Variants in ARAP1 observed in about 807,000 individuals in gnomAD.
ARAP1 encodes arf-GAP with Rho-GAP domain, ANK repeat and PH domain-containing protein 1.
In ARAP1, 76 loss-of-function variants were observed where a neutral mutation model predicts 172.2. The observed-to-expected ratio is 0.44, with a 90% confidence interval of 0.37 to 0.53. The LOEUF (loss-of-function observed/expected upper bound fraction) is 0.53. ARAP1 is among the 20% of genes least tolerant of loss of function. The pLI is 0.00. For synonymous variants in ARAP1, 804 were observed against 803.3 expected, an observed-to-expected ratio of 1.00 and a Z score of -0.01; for missense variants, 1,686 against 1,977.5, an observed-to-expected ratio of 0.85 and a Z score of 2.80.
intron 2 of ARAP1, among the ~76,000 whole-genome samples, chr11:72,728,503 C>T (rs1857764969): frequency 6.6e-6 from 1 of 152,096 alleles, no homozygotes; most frequent in Admixed American, 6.6e-5. Flanking sequence ...ATTGCTTGAA[C>T]CCAGGAGGCA....
At position 72,698,211 on chromosome 11, in the gene ARAP1, CCTTCT is replaced by C. The variant is rs1054338011; in HGVS notation, c.2542-110_2542-106del. 120 of 1,340,288 alleles carry C rather than the reference CCTTCT, an allele frequency of 9.0e-5. 1 individual carries two copies. The African/African-American group carries it at 1.6e-3, about 18-fold the overall frequency. 83.0% of individuals were successfully genotyped at this position (1,340,288 alleles called of 1,614,324 possible). A position where few individuals can be genotyped will look rare whatever the true frequency, so the allele number is the denominator to read the frequency against. On this transcript the variant is annotated intron_variant, in intron 18 of 34. Coordinates refer to ENST00000393609, the MANE Select transcript of ARAP1 (RefSeq NM_001040118.3). ...CACATGCCCTCTTCCCACCCAGCTG[CCTTCT>C]CTTCTCTTCCCCAAGGCAGAACCAA...
At position 72,712,268 on chromosome 11, in the gene ARAP1, C is replaced by T. The variant is rs759111883; in HGVS notation, c.950G>A (p.Gly317Glu). 6.2e-7 allele frequency: 1 copy of T among 1,603,038 alleles called. No homozygotes were observed. Among genetic ancestry groups the T allele is most frequent in the South Asian group, 1.1e-5 (1 of 89,618 alleles). ...GACGGGGGTGGAGCCCCCAGGCGGC[C>T]CGTCCATGGGGTGTGGCGCAGCTAT... is the stretch of plus-strand genomic sequence containing the variant. ...STIAAPHPMD[G>E]PPGGSTPVTP... Residue 317 changes from glycine (G) to glutamate (E), a missense_variant, in exon 7 of 35, where the codon GGG becomes GAG. Transcript: ENST00000393609.
intron 14 of ARAP1, chr11:72,703,303 A>T (rs1036569705): frequency 2.2e-6 from 1 of 453,522 alleles, no homozygotes; most frequent in Non-Finnish European, 3.8e-6. Context: ...AGGCCAGGGG[A>T]TCCCAGCTGC....
In ARAP1 at chr11:72,707,246, G is replaced by C. The variant is rs149827038; in HGVS notation, c.1652C>G (p.Ala551Gly). ...GTCAGGCTGAGGAGCCCCGCAGTCA[G>C]CACAGAACCTGTTGGGGGCTGCAGC... ...IWAAAPNRFC[A>G]DCGAPQPDWA... is the part of the protein sequence containing the mutation. The change falls in exon 12 of 35, where the codon GCT (alanine) becomes GGT (glycine). Residue 551 changes from alanine to glycine, a missense_variant. This residue lies in a region of ARAP1 where 688 missense variants were observed against 856.9 expected (regional missense o/e 0.80). Transcript: ENST00000393609. The C allele has an allele frequency of 7.4e-6, 12 of 1,611,536 alleles. No homozygotes were observed. Among genetic ancestry groups the C allele is most frequent in the Non-Finnish European group, 1.0e-5 (12 of 1,178,950 alleles).
At position 72,702,931 on chromosome 11, in the gene ARAP1, T is replaced by A. The variant is rs1380821350; in HGVS notation, c.2141A>T (p.Glu714Val). The change falls in exon 15 of 35, where the codon GAA becomes GTA. Residue 714 changes from glutamate (E) to valine (V), a missense_variant. Physicochemically the swap from Glu to Val is moderately radical, Grantham distance 121. This residue lies in a region of ARAP1 where 688 missense variants were observed against 856.9 expected (regional missense o/e 0.80). Transcript: ENST00000393609. ...AEQAGQTLQM[E>V]FLRNNRTTEV... ...TGTGGTCCGGTTGTTCCGAAGGAAT[T>A]CCATCTGCAGCGTCTGCCCCGCCTG... 1 of 1,558,180 alleles carries A rather than the reference T, an allele frequency of 6.4e-7. No individual in the cohort carries two copies. Among genetic ancestry groups the A allele is most frequent in the East Asian group, 2.4e-5 (1 of 41,728 alleles).
chr11:72,734,375 C>A (rs1268909704), intron 1 of ARAP1, among the ~76,000 whole-genome samples: 1 of 152,164 alleles, frequency 6.6e-6, no homozygotes, highest in Non-Finnish European at 1.5e-5. Context: ...CCCACTTTGA[C>A]CTCCCAAAGT....
At chr11:72,712,725 AC>A in intron 5 of ARAP1, 157 bp from the exon 6 acceptor site, 1 of 1,241,588 alleles carries the variant, frequency 8.1e-7, no homozygotes. Flanking sequence ...GCCAGCGGAG[AC>A]CACACAGAGA....
At position 72,685,305 on chromosome 11, in the gene ARAP1, C is replaced by G. The variant is rs764449181; in HGVS notation, c.*359G>C. 4.0e-5 allele frequency: 13 copies of G among 322,688 alleles called. No individual in the cohort carries two copies. The highest frequency in any genetic ancestry group is 1.9e-4 in the Admixed American group (4 of 21,580). The allele number at this position is 322,688 out of a possible 1,614,324, so 20.0% of individuals were successfully genotyped here. On this transcript the variant is annotated 3_prime_UTR_variant, in exon 35 of 35. Coordinates refer to ENST00000393609, the MANE Select transcript of ARAP1 (RefSeq NM_001040118.3). ...GTTTGTTGGGAGGAGCAGGGGGCTCCCTTCCGGCAGGGCCCCAGGGCCTCA... is the reference window on the plus strand; with the variant it reads ...GTTTGTTGGGAGGAGCAGGGGGCTCGCTTCCGGCAGGGCCCCAGGGCCTCA...
Position 72,698,881 on chromosome 11 carries a change from G to A in ARAP1, c.2541+124C>T. On this transcript the variant is annotated intron_variant, in intron 18 of 34. Transcript: ENST00000393609. ...TCTTGGTGGGACAGGCCCGCTCCAT[G>A]TCTGCTGCCCTGCATCTAGCTTCTG... The A allele has an allele frequency of 4.9e-6, 5 of 1,028,374 alleles. No homozygotes were observed. In the South Asian group the frequency reaches 5.5e-5, roughly 11 times the overall value. The allele number at this position is 1,028,374 out of a possible 1,614,324, so 63.7% of individuals were successfully genotyped here.
rs778717282 is a variant in ARAP1, at chr11:72,707,192, A to G, written c.1706T>C (p.Ile569Thr). Reference sequence around the variant, plus strand: ...GCACACACCTGCACAGCGCTTGCAGATAACAACACAGAGGTTGATGGAGGC... The same window carrying G: ...GCACACACCTGCACAGCGCTTGCAGGTAACAACACAGAGGTTGATGGAGGC... ...DWASINLCVV[I>T]CKRCAGEHRG... The change falls in exon 12 of 35, where the codon ATC (isoleucine) becomes ACC (threonine). Residue 569 changes from isoleucine (I) to threonine (T), a missense_variant. Ile to Thr is a moderately conservative substitution (Grantham distance 89, BLOSUM62 -1). Coordinates refer to ENST00000393609, the MANE Select transcript of ARAP1 (RefSeq NM_001040118.3). 1.9e-6 allele frequency: 3 copies of G among 1,595,876 alleles called. No individual in the cohort carries two copies. The South Asian group carries it at 3.4e-5, about 18-fold the overall frequency.
At position 72,710,510 on chromosome 11, in the gene ARAP1, A is replaced by G. The variant is rs1856965731; in HGVS notation, c.1291T>C (p.Tyr431His). The G allele has an allele frequency of 1.2e-6, 2 of 1,613,940 alleles. No individual in the cohort carries two copies. The highest frequency in any genetic ancestry group is 8.5e-7 in the Non-Finnish European group (1 of 1,179,976). The change falls in exon 10 of 35, where the codon TAT (tyrosine) becomes CAT (histidine). Residue 431 changes from tyrosine to histidine, a missense_variant. Physicochemically the swap from Tyr to His is moderately conservative, Grantham distance 83 (BLOSUM62 2). Transcript: ENST00000393609. This position sits in a 1 kb window ranked among gnomAD's most constrained non-coding sequence, Gnocchi z 4.3. ...TCTGAGCCTGGAACTCCCAGCAGATAAGCGCTAGAGAGCCGGGCCCGGGCA... is the reference window on the plus strand; with the variant it reads ...TCTGAGCCTGGAACTCCCAGCAGATGAGCGCTAGAGAGCCGGGCCCGGGCA... Reference protein sequence around the residue: ...QRARARLSSAYLLGVPGSEQP... With the variant: ...QRARARLSSAHLLGVPGSEQP...
chr11:72,750,680 G>A (rs1347821048), intron 1 of ARAP1, among the ~76,000 whole-genome samples: 1 of 152,318 alleles, frequency 6.6e-6, no homozygotes, highest in Middle Eastern at 3.4e-3. Flanking sequence ...TCCTGCAGAT[G>A]GGGAAATGGA....
At chr11:72,701,200 G>A (rs1326635678) in intron 16 of ARAP1, among the ~76,000 whole-genome samples, 5 of 151,446 alleles carry the variant, frequency 3.3e-5, no homozygotes, top group Non-Finnish European at 7.4e-5. Flanking sequence ...AAACAGTGAG[G>A]AGACCGGCAG....
At chr11:72,713,368 CA>C in intron 4 of ARAP1, 125 bp from the exon 5 acceptor site, 20 of 815,848 alleles carry the variant, frequency 2.5e-5, no homozygotes, top group Non-Finnish European at 2.9e-5. Flanking sequence ...CCCTGGCTTT[CA>C]AAAAAAGGCA....
intron 3 of ARAP1, chr11:72,722,247 A>G (rs1857549949): frequency 3.0e-6 from 3 of 984,188 alleles, no homozygotes; most frequent in African/African-American, 1.8e-5. Flanking sequence ...GTGTGTGTGT[A>G]TGTCTGCACC....
At chr11:72,709,097 G>A (rs1334676445) in intron 11 of ARAP1, among the ~76,000 whole-genome samples, 1 of 150,928 alleles carries the variant, frequency 6.6e-6, no homozygotes, top group Non-Finnish European at 1.5e-5. Context: ...CTTGGTTGGA[G>A]AGACAGGCCT....
intron 14 of ARAP1, 64 bp from the exon 15 acceptor site, chr11:72,703,143 C>CG: frequency 6.9e-7 from 1 of 1,442,836 alleles, no homozygotes; most frequent in African/African-American, 1.4e-5. Context: ...AAAGGGGCTA[C>CG]GGGGGAGGAG....
chr11:72,692,025 C>A (rs1226595244), intron 30 of ARAP1, among the ~76,000 whole-genome samples: 1 of 152,176 alleles, frequency 6.6e-6, no homozygotes, highest in Non-Finnish European at 1.5e-5. Flanking sequence ...CAGTAATGCT[C>A]ACTCGCCCGA....
chr11:72,712,109 G>A lies in ARAP1; in HGVS notation c.1022+87C>T, dbSNP rs1014917199. 39 of 1,464,232 alleles carry A rather than the reference G, an allele frequency of 2.7e-5. 1 individual carries two copies. In the South Asian group the frequency reaches 5.3e-4, roughly 20 times the overall value. The allele number at this position is 1,464,232 out of a possible 1,614,324, so 90.7% of individuals were successfully genotyped here. On this transcript the variant is annotated intron_variant, in intron 7 of 34. Transcript: ENST00000393609. ...GCAGGCCCTTCTGGTTTTCAGATCA[G>A]TGAGTGATACCAGTGTCCTGGGGTC...
Sources: gnomAD v4.1 joint callset for allele counts (sites outside exome capture counted in the v4.1 genomes callset) on GRCh38, gnomAD v4.1.1 for gene constraint, gnomAD v4.1.1 regional missense constraint, Gnocchi (gnomAD v3.1) non-coding constraint, MANE v1.5 for transcripts, NCBI Gene and HGNC (gene_info 2026-07-23, HGNC 2026-07-21) for gene names.